Variants in DOCK8 observed in about 807,000 individuals in gnomAD.
The protein encoded by DOCK8 is dedicator of cytokinesis protein 8.
DOCK8 carries 141 observed loss-of-function variants against 245.6 expected under a neutral mutation model. The ratio of observed to expected loss-of-function variants is 0.57; its 90% confidence interval spans 0.50 to 0.66. DOCK8 has a LOEUF of 0.66. Among genes scored for constraint, DOCK8 ranks in the 30% least tolerant of loss-of-function variants. DOCK8 has a pLI of 0.00. For synonymous variants in DOCK8, 1,168 were observed against 970.2 expected, an observed-to-expected ratio of 1.20 and a Z score of -3.79; for missense variants, 2,965 against 2,603.4, an observed-to-expected ratio of 1.14 and a Z score of -3.02.
Position 446,333 on chromosome 9 carries a change from T to C in DOCK8, c.5581-37T>C, listed in dbSNP as rs770069413. On this transcript the variant is annotated intron_variant, in intron 43 of 47. Transcript: ENST00000432829. ...GCGTCAGGGATGGCCGTTTGCAGAA[T>C]AGCTCATCTTCTCCCTCCGTGCCTT... is the stretch of plus-strand genomic sequence containing the variant. 5 of 1,566,374 alleles carry C rather than the reference T, an allele frequency of 3.2e-6. No homozygotes were observed. In the African/African-American group the frequency reaches 5.4e-5, roughly 17 times the overall value.
intron 4 of DOCK8, among the ~76,000 whole-genome samples, chr9:299,870 A>G (rs2049451245): frequency 2.0e-5 from 3 of 151,974 alleles, no homozygotes; most frequent in African/African-American, 7.2e-5. Flanking sequence ...AAATACAAAA[A>G]AATTAGCTGG....
At chr9:271,091 T>C (rs531528957) in intron 1 of DOCK8, among the ~76,000 whole-genome samples, 2 of 152,284 alleles carry the variant, frequency 1.3e-5, no homozygotes, top group African/African-American at 4.8e-5. Flanking sequence ...TAGGAGCAGT[T>C]GGGAAAAAAT....
At chr9:413,272 A>G (rs182963985) in intron 28 of DOCK8, among the ~76,000 whole-genome samples, 51 of 152,294 alleles carry the variant, frequency 3.3e-4, no homozygotes, top group African/African-American at 9.1e-4. Flanking sequence ...TAGATCAAAG[A>G]CCTAAATGTA....
chr9:333,294 C>T (rs1217854973), intron 10 of DOCK8, among the ~76,000 whole-genome samples: 1 of 152,218 alleles, frequency 6.6e-6, no homozygotes, highest in Admixed American at 6.5e-5. Flanking sequence ...CAAAGATTCC[C>T]AGTGTGATTT....
chr9:272,387 A>G (rs1305346118), intron 2 of DOCK8, among the ~76,000 whole-genome samples: 2 of 152,024 alleles, frequency 1.3e-5, no homozygotes, highest in Non-Finnish European at 2.9e-5. Flanking sequence ...AGTATGTACA[A>G]ACCTTCTTTT....
At chr9:421,131 G>A (rs1412472138) in intron 32 of DOCK8, 53 bp downstream of exon 32, 24 of 1,611,284 alleles carry the variant, frequency 1.5e-5, no homozygotes, top group Non-Finnish European at 2.0e-5. Context: ...TTCACTGTTT[G>A]TGGGGAGGAA....
At position 418,138 on chromosome 9, in the gene DOCK8, GA is replaced by G; in HGVS notation, c.3773del (p.Asn1258MetfsTer6). The G allele has an allele frequency of 6.2e-7, 1 of 1,614,234 alleles. No individual in the cohort carries two copies. Among genetic ancestry groups the G allele is most frequent in the Non-Finnish European group, 8.5e-7 (1 of 1,180,042 alleles). ...AAGAAGGAGCCGGTGCCATTAACCA[GA>G]ATGTGGCTCTGGCCATAGCAGGGAA... ...EQEGAGAINQ[N>X]VALAIAGNNF... On this transcript the variant is annotated frameshift_variant, in exon 30 of 48. Coordinates refer to ENST00000432829, the MANE Select transcript of DOCK8 (RefSeq NM_203447.4). LOFTEE classifies it high-confidence loss of function.
intron 26 of DOCK8, among the ~76,000 whole-genome samples, chr9:403,892 C>CTCTATA (rs1362630372): frequency 3.1e-4 from 23 of 73,744 alleles, no homozygotes; most frequent in African/African-American, 3.9e-4. Context: ...CTCTCTCTCT[C>CTCTATA]TATATATATA....
chr9:408,880 A>ACACACACACG (rs1564027650), intron 28 of DOCK8, among the ~76,000 whole-genome samples: 1 of 114,302 alleles, frequency 8.7e-6, no homozygotes, highest in Non-Finnish European at 1.8e-5. Context: ...ACACACACAC[A>ACACACACACG]CACACACGCA....
chr9:248,683 A>G (rs768430066), intron 1 of DOCK8, among the ~76,000 whole-genome samples: 12 of 151,852 alleles, frequency 7.9e-5, no homozygotes, highest in Non-Finnish European at 1.8e-4. Context: ...GGCATGAGTG[A>G]TGCCACCTTT....
rs1281789530 is a variant in DOCK8 at position 307,329 on chromosome 9, GTTTTTTTTGTTTTTTTTTTT to G, written c.528+2634_528+2653del. On this transcript the variant is annotated intron_variant, in intron 5 of 47. Coordinates refer to ENST00000432829, the MANE Select transcript of DOCK8 (RefSeq NM_203447.4). ...AACTCAAGTCACTGTGTTGTGTGTG[GTTTTTTTTGTTTTTTTTTTT>G]TTTTTTTTTTTTTTTTTTTTTTTTT... 9.3e-3 allele frequency among the ~76,000 whole-genome samples: 698 copies of G among 75,126 alleles called. 187 individuals are homozygous for G. Among genetic ancestry groups the G allele is most frequent in the East Asian group, 0.03 (59 of 1,964 alleles). 49.3% of individuals were successfully genotyped at this position (75,126 alleles called of 152,430 possible). A position where few individuals can be genotyped will look rare whatever the true frequency, so the allele number is the denominator to read the frequency against.
intron 39 of DOCK8, among the ~76,000 whole-genome samples, chr9:436,424 T>G (rs1369893930): frequency 6.6e-6 from 1 of 152,248 alleles, no homozygotes; most frequent in Non-Finnish European, 1.5e-5. Context: ...CTATCAAAAA[T>G]AAATATTATA....
At chr9:303,396 C>G (rs10969094) in intron 4 of DOCK8, among the ~76,000 whole-genome samples, 338 of 152,078 alleles carry the variant, frequency 2.2e-3, no homozygotes, top group Middle Eastern at 6.8e-3. Context: ...AGATGCCCAT[C>G]GACAGTGGAC....
intron 28 of DOCK8, among the ~76,000 whole-genome samples, chr9:413,324 A>G (rs967324267): frequency 6.6e-6 from 1 of 152,226 alleles, no homozygotes; most frequent in Non-Finnish European, 1.5e-5. Context: ...TTATAGAGGT[A>G]ATCATCATAG....
At position 446,285 on chromosome 9, in the gene DOCK8, G is replaced by A. The variant is rs2057256058; in HGVS notation, c.5581-85G>A. The A allele has an allele frequency of 5.2e-6, 6 of 1,153,564 alleles. No homozygotes were observed. The Admixed American group carries it at 6.7e-5, about 13-fold the overall frequency. The allele number at this position is 1,153,564 out of a possible 1,614,324, so 71.5% of individuals were successfully genotyped here. ...CTGGGCAGGGCGGTGCCGGCACGCC[G>A]TGTTCCTGCATGCCCCTCCATTGCG... is the stretch of plus-strand genomic sequence containing the variant. On this transcript the variant is annotated intron_variant, in intron 43 of 47. Transcript: ENST00000432829.
At chr9:364,734 G>A (rs1461749694) in intron 14 of DOCK8, among the ~76,000 whole-genome samples, 1 of 151,604 alleles carries the variant, frequency 6.6e-6, no homozygotes, top group Admixed American at 6.6e-5. Context: ...TTGGAGCAAT[G>A]ATATAGTGGG....
intron 1 of DOCK8, chr9:215,670 G>C: frequency 2.6e-6 from 1 of 382,022 alleles, no homozygotes; most frequent in Non-Finnish European, 4.8e-6. Context: ...GACATTTTGA[G>C]ATTTACAGAA....
intron 1 of DOCK8, among the ~76,000 whole-genome samples, chr9:239,849 C>A (rs2047340037): frequency 6.6e-6 from 1 of 152,132 alleles, no homozygotes; most frequent in South Asian, 2.1e-4. Flanking sequence ...AACAACTTTT[C>A]ATGTCATTAA....
chr9:317,249 G>A, intron 7 of DOCK8, 121 bp downstream of exon 7: 1 of 823,630 alleles, frequency 1.2e-6, no homozygotes, highest in South Asian at 1.4e-5. Context: ...TCTAACAGTG[G>A]GCAGCTGTGG....
Sources: gnomAD v4.1 joint callset for allele counts (sites outside exome capture counted in the v4.1 genomes callset) on GRCh38, gnomAD v4.1.1 for gene constraint, MANE v1.5 for transcripts, NCBI Gene and HGNC (gene_info 2026-07-23, HGNC 2026-07-21) for gene names.